Variants in REG1A observed in about 807,000 individuals in gnomAD.
REG1A encodes the protein lithostathine-1-alpha.
In REG1A, 20 loss-of-function variants were observed where a neutral mutation model predicts 20.7. The ratio of observed to expected loss-of-function variants is 0.97; its 90% CI spans 0.68 to 1.41. The LOEUF (loss-of-function observed/expected upper bound fraction) is 1.41, where lower values mean the gene tolerates loss of function less well. Among genes scored for constraint, REG1A ranks in the 40% most tolerant of loss-of-function variants. The pLI, the probability that REG1A is intolerant of heterozygous loss-of-function variation, is 0.00. For missense variants in REG1A, 193 were observed against 201.8 expected, an observed-to-expected ratio of 0.96 and a Z score of 0.26; for synonymous variants, 90 against 71.6, an observed-to-expected ratio of 1.26 and a Z score of -1.30.
intron 1 of REG1A, 114 bp from the exon 2 acceptor site, chr2:79,120,702 G>A: frequency 2.1e-6 from 1 of 469,740 alleles, no homozygotes; most frequent in African/African-American, 2.0e-5. Flanking sequence ...TTGAAGGTGT[G>A]GGTGTCTCAG....
intron 2 of REG1A, 145 bp from the exon 3 acceptor site, chr2:79,121,417 G>A: frequency 2.9e-6 from 2 of 700,566 alleles, no homozygotes; most frequent in Admixed American, 4.4e-5. Flanking sequence ...GACAGAAGAT[G>A]TAGGATGCAG....
Position 79,122,035 on chromosome 2 carries a change from C to T in REG1A, c.231C>T (p.Thr77=), listed in dbSNP as rs1254664676. ...CGGGCAACCTGGTGTCTGTGCTCAC[C>T]CAGGCCGAGGGTGCCTTTGTGGCCT... ...MNSGNLVSVL[T]QAEGAFVASL... is the part of the protein sequence containing the mutation. Residue 77 remains threonine, a synonymous_variant, in exon 4 of 6, where the codon ACC becomes ACT. Coordinates refer to ENST00000233735, the MANE Select transcript of REG1A (RefSeq NM_002909.5). 1 of 1,614,040 alleles carries T rather than the reference C, an allele frequency of 6.2e-7. No homozygotes were observed. The highest frequency in any genetic ancestry group is 8.5e-7 in the Non-Finnish European group (1 of 1,180,010).
In REG1A at chr2:79,121,648, A is replaced by G; in HGVS notation, c.151A>G (p.Asn51Asp). The change falls in exon 3 of 6, where the codon AAT becomes GAT. Residue 51 changes from asparagine (N) to aspartate (D), a missense_variant. Physicochemically the swap from Asn to Asp is conservative, Grantham distance 23. Transcript: ENST00000233735. ...NAYRSYCYYFNEDRETWVDAD... is the reference protein window; with the variant it reads ...NAYRSYCYYFDEDRETWVDAD... ...CTATCGCTCCTACTGCTACTACTTT[A>G]ATGAAGACCGTGAGACCTGGGTTGA... is the stretch of plus-strand genomic sequence containing the variant. The G allele has an allele frequency of 6.2e-7, 1 of 1,614,042 alleles. No individual in the cohort carries two copies. Among genetic ancestry groups the G allele is most frequent in the South Asian group, 1.1e-5 (1 of 91,078 alleles).
chr2:79,121,876 A>G (rs1163469485), intron 3 of REG1A, 112 bp from the exon 4 acceptor site: 1 of 1,458,460 alleles, frequency 6.9e-7, no homozygotes, highest in African/African-American at 1.4e-5. Context: ...CAGTGACAGC[A>G]TCATCACGGA....
intron 2 of REG1A, 78 bp downstream of exon 2, chr2:79,121,003 G>T: frequency 4.2e-6 from 3 of 719,960 alleles, no homozygotes; most frequent in Non-Finnish European, 6.5e-6. Flanking sequence ...GGGTCTACTT[G>T]AAAAAAAAAA....
chr2:79,121,013 A>G, intron 2 of REG1A, 88 bp downstream of exon 2: 1 of 1,084,180 alleles, frequency 9.2e-7, no homozygotes. Context: ...GAAAAAAAAA[A>G]AAAAAGCAGA....
At chr2:79,121,190 A>T (rs1245176499) in intron 2 of REG1A, among the ~76,000 whole-genome samples, 2 of 152,112 alleles carry the variant, frequency 1.3e-5, no homozygotes, top group Non-Finnish European at 2.9e-5. Context: ...TTTATACGTG[A>T]TGGTGGATTT....
intron 2 of REG1A, 36 bp from the exon 3 acceptor site, chr2:79,121,526 C>T: frequency 6.4e-7 from 1 of 1,562,060 alleles, no homozygotes; most frequent in East Asian, 2.2e-5. Context: ...TTTTCCTTAC[C>T]CTGAGAGCCT....
rs1672886867 is a variant in REG1A at position 79,121,615 on chromosome 2, A to C, written c.118A>C (p.Thr40Pro). The C allele has an allele frequency of 6.2e-7, 1 of 1,613,968 alleles. No individual in the cohort carries two copies. Among genetic ancestry groups the C allele is most frequent in the Non-Finnish European group, 8.5e-7 (1 of 1,180,000 alleles). The change falls in exon 3 of 6, where the codon ACC (threonine) becomes CCC (proline). Residue 40 changes from threonine to proline, a missense_variant. Physicochemically the swap from Thr to Pro is conservative, Grantham distance 38. Coordinates refer to ENST00000233735, the MANE Select transcript of REG1A (RefSeq NM_002909.5). ...PQARISCPEG[T>P]NAYRSYCYYF... ...GGCCCGGATCAGCTGCCCAGAAGGCACCAATGCCTATCGCTCCTACTGCTA... is the reference window on the plus strand; with the variant it reads ...GGCCCGGATCAGCTGCCCAGAAGGCCCCAATGCCTATCGCTCCTACTGCTA...
chr2:79,122,288 A>C (rs1672899272), intron 4 of REG1A, 163 bp downstream of exon 4: 8 of 666,506 alleles, frequency 1.2e-5, no homozygotes, highest in Non-Finnish European at 2.0e-5. Flanking sequence ...AGATGATTGG[A>C]GATATAAGTG....
In REG1A at chr2:79,120,870, G is replaced by T; in HGVS notation, c.9G>T (p.Gln3His). The change falls in exon 2 of 6, where the codon CAG becomes CAT. Residue 3 changes from glutamine (Q) to histidine (H), a missense_variant. Physicochemically the swap from Gln to His is conservative, Grantham distance 24 (BLOSUM62 0). Coordinates refer to ENST00000233735, the MANE Select transcript of REG1A (RefSeq NM_002909.5). ...ATTCATTGCAGCTCAGCATGGCTCA[G>T]ACCAGCTCATACTTCATGCTGATCT... MA[Q>H]TSSYFMLISC... 1.2e-6 allele frequency: 2 copies of T among 1,612,700 alleles called. No individual in the cohort carries two copies. The highest frequency in any genetic ancestry group is 1.7e-6 in the Non-Finnish European group (2 of 1,179,134).
Position 79,120,812 on chromosome 2 carries a change from A to G in REG1A, c.-46-4A>G. On this transcript the variant is annotated splice_polypyrimidine_tract_variant and splice_region_variant and intron_variant, in intron 1 of 5. Transcript: ENST00000233735. ...AGAACCCCCTTCTCTGTGTTCTCCT[A>G]TAGAGATTGTTGATTTGCCTCTTAA... The G allele has an allele frequency of 4.0e-6, 6 of 1,487,490 alleles. No homozygotes were observed. The highest frequency in any genetic ancestry group is 5.6e-6 in the Non-Finnish European group (6 of 1,075,478). The allele number at this position is 1,487,490 out of a possible 1,614,324, so 92.1% of individuals were successfully genotyped here. A position where few individuals can be genotyped will look rare whatever the true frequency, so the allele number is the denominator to read the frequency against.
chr2:79,122,890 G>A lies in REG1A; in HGVS notation c.371G>A (p.Trp124Ter). The A allele has an allele frequency of 6.2e-7, 1 of 1,613,936 alleles. No individual in the cohort carries two copies. Among genetic ancestry groups the A allele is most frequent in the Non-Finnish European group, 8.5e-7 (1 of 1,180,000 alleles). The change falls in exon 5 of 6, where the codon TGG becomes TAG. Residue 124 changes from tryptophan to a stop codon, truncating the protein, a stop_gained. Coordinates refer to ENST00000233735, the MANE Select transcript of REG1A (RefSeq NM_002909.5). LOFTEE classifies it high-confidence loss of function. Reference protein sequence around the residue: ...SSGSLVSYKSWGIGAPSSVNP... With the variant: ...SSGSLVSYKS Reference sequence around the variant, plus strand: ...GGGTCCCTGGTCTCCTACAAGTCCTGGGGCATTGGAGCCCCAAGCAGTGTT... The same window carrying A: ...GGGTCCCTGGTCTCCTACAAGTCCTAGGGCATTGGAGCCCCAAGCAGTGTT...
At position 79,120,900 on chromosome 2, in the gene REG1A, C is replaced by T. The variant is rs773544104; in HGVS notation, c.39C>T (p.Cys13=). Residue 13 remains cysteine (C), a synonymous_variant, in exon 2 of 6, where the codon TGC becomes TGT. Transcript: ENST00000233735. ...QTSSYFMLIS[C]LMFLSQSQGQ... ...GCTCATACTTCATGCTGATCTCCTG[C>T]CTGATGTTTCTGTCTCAGAGCCAAG... 1 of 1,613,364 alleles carries T rather than the reference C, an allele frequency of 6.2e-7. No homozygotes were observed. The highest frequency in any genetic ancestry group is 8.5e-7 in the Non-Finnish European group (1 of 1,179,600).
At chr2:79,123,067 G>C (rs546485710) in intron 5 of REG1A, 81 bp from the exon 6 acceptor site, 265 of 1,445,004 alleles carry the variant, frequency 1.8e-4, no homozygotes, top group South Asian at 5.6e-4. Context: ...ATGGATGTTT[G>C]GTTTTTGTCC....
Position 79,121,987 on chromosome 2 carries a change from G to A in REG1A, c.184-1G>A. ...GAGTGCTCCATTTTCTTCTGCAACA[G>A]CTCTATTGCCAGAACATGAATTCGG... On this transcript the variant is annotated splice_acceptor_variant, in intron 3 of 5. Transcript: ENST00000233735. LOFTEE classifies it high-confidence loss of function. 2 of 1,613,666 alleles carry A rather than the reference G, an allele frequency of 1.2e-6. No homozygotes were observed. The highest frequency in any genetic ancestry group is 1.7e-6 in the Non-Finnish European group (2 of 1,179,828).
intron 3 of REG1A, 87 bp from the exon 4 acceptor site, chr2:79,121,901 C>T: frequency 3.9e-6 from 6 of 1,555,018 alleles, no homozygotes; most frequent in Non-Finnish European, 5.3e-6. Flanking sequence ...ACTCTGCTGT[C>T]CTTTTTCTGA....
At chr2:79,122,498 T>C (rs1672902276) in intron 4 of REG1A, among the ~76,000 whole-genome samples, 1 of 152,164 alleles carries the variant, frequency 6.6e-6, no homozygotes, top group African/African-American at 2.4e-5. Context: ...GGGAACCTGG[T>C]AGTATACTAA....
In REG1A at chr2:79,122,901, G is replaced by T; in HGVS notation, c.382G>T (p.Ala128Ser). 6.2e-7 allele frequency: 1 copy of T among 1,614,032 alleles called. No individual in the cohort carries two copies. The highest frequency in any genetic ancestry group is 8.5e-7 in the Non-Finnish European group (1 of 1,180,002). ...CTCCTACAAGTCCTGGGGCATTGGAGCCCCAAGCAGTGTTAATCCTGGCTA... is the reference window on the plus strand; with the variant it reads ...CTCCTACAAGTCCTGGGGCATTGGATCCCCAAGCAGTGTTAATCCTGGCTA... Reference protein sequence around the residue: ...LVSYKSWGIGAPSSVNPGYCV... With the variant: ...LVSYKSWGIGSPSSVNPGYCV... The change falls in exon 5 of 6, where the codon GCC (alanine) becomes TCC (serine). Residue 128 changes from alanine (A) to serine (S), a missense_variant. Transcript: ENST00000233735.
Sources: allele counts gnomAD v4.1 joint callset (sites outside exome capture counted in the v4.1 genomes callset), GRCh38; gene constraint gnomAD v4.1.1; transcripts MANE v1.5; gene names NCBI Gene and HGNC (gene_info 2026-07-23, HGNC 2026-07-21).